Variants in SLC24A2 observed in about 807,000 individuals in gnomAD.
SLC24A2 encodes solute carrier family 24 member 2.
A neutral mutation model predicts 62.0 loss-of-function variants in SLC24A2; 36 were observed. That is an observed-to-expected ratio of 0.58 (90% CI 0.44 to 0.77). The LOEUF (loss-of-function observed/expected upper bound fraction) is 0.77, where lower values mean the gene tolerates loss of function less well. Among genes scored for constraint, SLC24A2 ranks in the 30% least tolerant of loss-of-function variants. The pLI is 0.00. For missense variants in SLC24A2, 846 were observed against 817.9 expected (o/e 1.03, Z -0.42); for synonymous variants, 358 against 294.0 (o/e 1.22, Z -2.23).
the SLC24A2 span, among the ~76,000 whole-genome samples, chr9:19,794,944 T>G: frequency 6.6e-6 from 1 of 152,162 alleles, no homozygotes; most frequent in African/African-American, 2.4e-5. Context: ...CTATTTCTAG[T>G]TCAGAATTTC....
At chr9:19,683,708 A>C (rs893305307) in intron 2 of SLC24A2, among the ~76,000 whole-genome samples, 6 of 152,164 alleles carry the variant, frequency 3.9e-5, no homozygotes, top group Non-Finnish European at 8.8e-5. Context: ...ACGTGATGAA[A>C]ATCTAGCTAA....
the SLC24A2 span, among the ~76,000 whole-genome samples, chr9:19,823,491 T>C: frequency 6.6e-6 from 1 of 152,086 alleles, no homozygotes; most frequent in Non-Finnish European, 1.5e-5. Flanking sequence ...AAGCTGGGCA[T>C]GGTGGTGCAT....
chr9:19,640,442 A>G (rs62563283), intron 2 of SLC24A2, among the ~76,000 whole-genome samples: 1 of 152,198 alleles, frequency 6.6e-6, no homozygotes, highest in Non-Finnish European at 1.5e-5. Flanking sequence ...ACTAATATTT[A>G]TGTTTTCTGA....
Position 19,542,094 on chromosome 9 carries a change from C to T in SLC24A2, c.1479+8043G>A, listed in dbSNP as rs866748637. On this transcript the variant is annotated intron_variant, in intron 8 of 10. Transcript: ENST00000341998. ...CACGGTGCACGCACACACTGGCCTG[C>T]GCCCACTGTCTGGCACTCCCTAGTG... Among the ~76,000 whole-genome samples, 320 of 152,284 alleles carry T rather than the reference C, an allele frequency of 2.1e-3. 2 individuals carry two copies. The highest frequency in any genetic ancestry group is 6.5e-3 in the African/African-American group (270 of 41,568).
At chr9:20,155,771 C>T in the SLC24A2 span, among the ~76,000 whole-genome samples, 84 of 151,792 alleles carry the variant, frequency 5.5e-4, no homozygotes, top group South Asian at 1.5e-3. Flanking sequence ...AATACGTATT[C>T]ATCATAGTTT....
the SLC24A2 span, among the ~76,000 whole-genome samples, chr9:20,255,085 A>G: frequency 6.6e-6 from 1 of 152,196 alleles, no homozygotes; most frequent in Non-Finnish European, 1.5e-5. Flanking sequence ...GGGAACACAG[A>G]GCCAAACCAT....
the SLC24A2 span, among the ~76,000 whole-genome samples, chr9:19,807,834 G>A: frequency 6.6e-6 from 1 of 152,138 alleles, no homozygotes; most frequent in East Asian, 1.9e-4. Context: ...CATTTGTTCA[G>A]GGTCAGAGCC....
chr9:19,535,207 G>GT (rs1206727723), intron 8 of SLC24A2, among the ~76,000 whole-genome samples: 1 of 151,898 alleles, frequency 6.6e-6, no homozygotes, highest in Non-Finnish European at 1.5e-5. Context: ...TGATGGGGTT[G>GT]TTTTTTTCTT....
chr9:19,967,846 A>G, the SLC24A2 span: 1 of 152,200 alleles, frequency 6.6e-6, no homozygotes, highest in African/African-American at 2.4e-5. Context: ...AGGTGGGAAA[A>G]TACAGGCATG....
chr9:19,669,774 G>A (rs1255744416), intron 2 of SLC24A2, among the ~76,000 whole-genome samples: 1 of 152,186 alleles, frequency 6.6e-6, no homozygotes, highest in Non-Finnish European at 1.5e-5. Flanking sequence ...AGACCCATCT[G>A]GATAATACAG....
the SLC24A2 span, among the ~76,000 whole-genome samples, chr9:20,128,698 G>A: frequency 1.3e-5 from 2 of 152,006 alleles, no homozygotes; most frequent in Admixed American, 6.6e-5. Flanking sequence ...TGCTAAGACC[G>A]CTCAATGGGG....
At chr9:20,052,506 ATCT>A in the SLC24A2 span, among the ~76,000 whole-genome samples, 1 of 152,132 alleles carries the variant, frequency 6.6e-6, no homozygotes, top group Non-Finnish European at 1.5e-5. Flanking sequence ...TAACTCCTTG[ATCT>A]TCTTCTGTTC....
intron 4 of SLC24A2, among the ~76,000 whole-genome samples, chr9:19,616,965 G>A (rs1490815522): frequency 2.6e-5 from 4 of 152,122 alleles, no homozygotes; most frequent in East Asian, 3.8e-4. Flanking sequence ...GGGCAGGGAA[G>A]GGGTGTTTGT....
At chr9:19,891,447 G>T in the SLC24A2 span, among the ~76,000 whole-genome samples, 4 of 152,238 alleles carry the variant, frequency 2.6e-5, no homozygotes, top group East Asian at 1.9e-4. Flanking sequence ...GTGGCTCACA[G>T]TTCTGCATGG....
At chr9:20,000,952 C>G in the SLC24A2 span, among the ~76,000 whole-genome samples, 2 of 152,160 alleles carry the variant, frequency 1.3e-5, no homozygotes, top group Admixed American at 6.5e-5. Context: ...GAAGGGTCAT[C>G]TGACCCTAAT....
the SLC24A2 span, among the ~76,000 whole-genome samples, chr9:20,230,353 G>T: frequency 7.7e-4 from 118 of 152,264 alleles, no homozygotes; most frequent in African/African-American, 2.8e-3. Flanking sequence ...CCCACCAACA[G>T]TGTAAAAGTG....
the SLC24A2 span, among the ~76,000 whole-genome samples, chr9:20,048,483 A>C: frequency 6.7e-6 from 1 of 149,892 alleles, no homozygotes; most frequent in Non-Finnish European, 1.5e-5. Flanking sequence ...CAAGCCAATG[A>C]TGTGTCAAAT....
In SLC24A2 at chr9:19,507,782, A is replaced by C. The variant is rs138489890; in HGVS notation, c.*8371T>G. The C allele has an allele frequency of 2.8e-4, 43 of 152,362 alleles. 1 individual carries two copies. Among genetic ancestry groups the C allele is most frequent in the African/African-American group, 9.9e-4 (41 of 41,588 alleles). The allele number at this position is 152,362 out of a possible 1,614,324, so 9.4% of individuals were successfully genotyped here. On this transcript the variant is annotated 3_prime_UTR_variant, in exon 11 of 11. Coordinates refer to ENST00000341998, the MANE Select transcript of SLC24A2 (RefSeq NM_020344.4). Reference sequence around the variant, plus strand: ...TACAAAATGACAGAAGTAATTTGGAAGTGCATCCACTGGATTTTTGTAGGG... The same window carrying C: ...TACAAAATGACAGAAGTAATTTGGACGTGCATCCACTGGATTTTTGTAGGG...
the SLC24A2 span, among the ~76,000 whole-genome samples, chr9:19,908,222 C>G: frequency 2.0e-5 from 3 of 152,136 alleles, no homozygotes; most frequent in East Asian, 1.9e-4. Flanking sequence ...CTGACAAAAA[C>G]AAGCAATGGG....
Sources: gnomAD v4.1 joint callset for allele counts (sites outside exome capture counted in the v4.1 genomes callset) on GRCh38, gnomAD v4.1.1 for gene constraint, MANE v1.5 for transcripts, NCBI Gene and HGNC (gene_info 2026-07-23, HGNC 2026-07-21) for gene names.